Variants in SNRK observed in about 807,000 individuals in gnomAD.
SNRK encodes the protein SNF-related serine/threonine-protein kinase.
SNRK carries 3 observed loss-of-function variants against 48.2 expected under a neutral mutation model. That is an observed-to-expected ratio of 0.06 (90% CI 0.03 to 0.16). The LOEUF (loss-of-function observed/expected upper bound fraction) is 0.16, where lower values mean the gene tolerates loss of function less well. Among genes scored for constraint, SNRK ranks in the 10% least tolerant of loss-of-function variants. SNRK has a pLI of 1.00. For missense variants in SNRK, 627 were observed against 976.0 expected, an observed-to-expected ratio of 0.64 and a Z score of 4.76; for synonymous variants, 376 against 366.1, an observed-to-expected ratio of 1.03 and a Z score of -0.31.
intron 3 of SNRK, among the ~76,000 whole-genome samples, chr3:43,315,960 C>T (rs949106522): frequency 6.6e-5 from 10 of 152,124 alleles, no homozygotes; most frequent in Admixed American, 3.9e-4. Context: ...AAATTTCACA[C>T]GCCTATAAGA....
At chr3:43,340,200 G>A (rs1266211262) in intron 4 of SNRK, 87 bp from the exon 5 acceptor site, 2 of 1,056,982 alleles carry the variant, frequency 1.9e-6, no homozygotes, top group Middle Eastern at 2.1e-4. Flanking sequence ...TGATGGTATA[G>A]GAAATCATTT....
At chr3:43,334,382 G>A (rs1254893007) in intron 4 of SNRK, among the ~76,000 whole-genome samples, 1 of 151,636 alleles carries the variant, frequency 6.6e-6, no homozygotes, top group East Asian at 2.0e-4. Flanking sequence ...GATGGCATGG[G>A]CCTAGAGGGT....
intron 3 of SNRK, chr3:43,315,294 A>G (rs900180488): frequency 5.9e-5 from 9 of 151,726 alleles, no homozygotes; most frequent in African/African-American, 2.2e-4. Flanking sequence ...ACAGAAATCA[A>G]TAACACCTTT....
rs773315712 is a variant in SNRK at position 43,299,791 on chromosome 3, G to A, written c.-131G>A. 1 of 152,484 alleles carries A rather than the reference G, an allele frequency of 6.6e-6. No individual in the cohort carries two copies. The highest frequency in any genetic ancestry group is 1.5e-5 in the Non-Finnish European group (1 of 68,012). The allele number at this position is 152,484 out of a possible 1,614,324, so 9.4% of individuals were successfully genotyped here. A position where few individuals can be genotyped will look rare whatever the true frequency, so the allele number is the denominator to read the frequency against. On this transcript the variant is annotated 5_prime_UTR_variant, in exon 2 of 7. Coordinates refer to ENST00000296088, the MANE Select transcript of SNRK (RefSeq NM_017719.5). The stretch of plus-strand genomic sequence containing the variant: ...ACTAACAAAACACTGTGATAATAAG[G>A]ATTATTCAGTATGCAGTTTGCAGGG...
At chr3:43,288,596 A>G (rs1441173390) in intron 1 of SNRK, among the ~76,000 whole-genome samples, 1 of 152,208 alleles carries the variant, frequency 6.6e-6, no homozygotes, top group Non-Finnish European at 1.5e-5. Flanking sequence ...ATAGAAAAAT[A>G]TTTATTTCTG....
intron 1 of SNRK, among the ~76,000 whole-genome samples, chr3:43,298,350 G>C (rs1468050076): frequency 6.6e-6 from 1 of 152,102 alleles, no homozygotes; most frequent in Non-Finnish European, 1.5e-5. Flanking sequence ...AAAAAGAGAA[G>C]CAGGCAAGGA....
intron 4 of SNRK, 46 bp from the exon 5 acceptor site, chr3:43,340,241 C>A: frequency 7.0e-7 from 1 of 1,425,434 alleles, no homozygotes; most frequent in South Asian, 1.2e-5. Context: ...CATTACTGAT[C>A]CTTGCAAGCA....
At chr3:43,295,375 C>G (rs1440142978) in intron 1 of SNRK, among the ~76,000 whole-genome samples, 1 of 152,212 alleles carries the variant, frequency 6.6e-6, no homozygotes, top group Non-Finnish European at 1.5e-5. Context: ...CATGACATTC[C>G]TAGTCCCCTC....
intron 2 of SNRK, among the ~76,000 whole-genome samples, chr3:43,300,808 G>A (rs903778236): frequency 5.3e-5 from 8 of 152,200 alleles, no homozygotes; most frequent in Admixed American, 5.2e-4. Flanking sequence ...CCTAGGCATT[G>A]TATCAGTTTC....
chr3:43,337,043 C>T (rs888007084), intron 4 of SNRK, among the ~76,000 whole-genome samples: 13 of 150,652 alleles, frequency 8.6e-5, no homozygotes, highest in Admixed American at 3.3e-4. Flanking sequence ...TGAGCCACCG[C>T]GCCTGGCCAA....
rs772412582 is a variant in SNRK at position 43,348,136 on chromosome 3, G to T, written c.1877G>T (p.Cys626Phe). ...PTNTSGTTRR[C>F]AGPSNSMQLA... is the part of the protein sequence containing the mutation. ...AATACATCGGGTACCACACGCCGCT[G>T]TGCCGGCCCCAGCAACTCCATGCAG... The change falls in exon 7 of 7, where the codon TGT becomes TTT. Residue 626 changes from cysteine (C) to phenylalanine (F), a missense_variant. Cys to Phe is a radical substitution (Grantham distance 205). Around this residue, in one of 4 missense-constraint regions of SNRK, gnomAD observed 207 missense variants for 234.3 expected, o/e 0.88. Transcript: ENST00000296088. 4 of 1,580,262 alleles carry T rather than the reference G, an allele frequency of 2.5e-6. No homozygotes were observed. Among genetic ancestry groups the T allele is most frequent in the South Asian group, 1.2e-5 (1 of 85,116 alleles).
intron 1 of SNRK, among the ~76,000 whole-genome samples, chr3:43,299,265 C>T (rs946437917): frequency 1.3e-5 from 2 of 152,158 alleles, no homozygotes; most frequent in African/African-American, 4.8e-5. Context: ...GCAACCTCCG[C>T]CTCCTGGGTT....
chr3:43,301,630 TAAAA>T (rs575119083), intron 2 of SNRK, among the ~76,000 whole-genome samples: 1 of 151,658 alleles, frequency 6.6e-6, no homozygotes. Flanking sequence ...TTTTAAAAAT[TAAAA>T]AAAAACTTAC....
chr3:43,336,800 G>A (rs546493557), intron 4 of SNRK, among the ~76,000 whole-genome samples: 39 of 151,894 alleles, frequency 2.6e-4, no homozygotes, highest in Non-Finnish European at 4.3e-4. Context: ...TGCCCAGGCC[G>A]GAGTGCAGTG....
In SNRK at chr3:43,348,320, G is replaced by A. The variant is rs745732466; in HGVS notation, c.2061G>A (p.Met687Ile). The change falls in exon 7 of 7, where the codon ATG becomes ATA. Residue 687 changes from methionine (M) to isoleucine (I), a missense_variant. Physicochemically the swap from Met to Ile is conservative, Grantham distance 10. This residue lies in a region of SNRK where 207 missense variants were observed against 234.3 expected (regional missense o/e 0.88). Coordinates refer to ENST00000296088, the MANE Select transcript of SNRK (RefSeq NM_017719.5). ...VKVQEKSTWKMCISSTGNAGQ... is the reference protein window; with the variant it reads ...VKVQEKSTWKICISSTGNAGQ... ...TCCAAGAGAAATCTACGTGGAAAAT[G>A]TGCATTAGCTCCACAGGGAATGCAG... is the stretch of plus-strand genomic sequence containing the variant. 6.2e-7 allele frequency: 1 copy of A among 1,613,134 alleles called. No homozygotes were observed. Among genetic ancestry groups the A allele is most frequent in the South Asian group, 1.1e-5 (1 of 90,914 alleles).
At chr3:43,320,966 C>T (rs983521015) in intron 3 of SNRK, among the ~76,000 whole-genome samples, 4 of 149,000 alleles carry the variant, frequency 2.7e-5, no homozygotes, top group Non-Finnish European at 5.9e-5. Context: ...TATAGCAGAA[C>T]CTTCATTTGG....
intron 4 of SNRK, among the ~76,000 whole-genome samples, chr3:43,337,127 G>A (rs1021658333): frequency 1.8e-4 from 27 of 151,698 alleles, no homozygotes; most frequent in African/African-American, 6.5e-4. Flanking sequence ...AGGCTCGAGT[G>A]CAGTGACACT....
chr3:43,340,746 C>T (rs1480187640), intron 5 of SNRK: 1 of 506,292 alleles, frequency 2.0e-6, no homozygotes, highest in African/African-American at 1.9e-5. Flanking sequence ...GTGGCCTTTT[C>T]CCCATTCTAT....
In SNRK at chr3:43,349,364, T is replaced by G. The variant is rs1279185788; in HGVS notation, c.*807T>G. 1 of 152,680 alleles carries G rather than the reference T, an allele frequency of 6.5e-6. No homozygotes were observed. The allele number at this position is 152,680 out of a possible 1,614,324, so 9.5% of individuals were successfully genotyped here. ...TCTAACAGAACAAAAAGATGCTCTG[T>G]GTAAATTCCTTCCTGTAGGGCACAC... On this transcript the variant is annotated 3_prime_UTR_variant, in exon 7 of 7. Coordinates refer to ENST00000296088, the MANE Select transcript of SNRK (RefSeq NM_017719.5).
Sources: gnomAD v4.1 joint callset for allele counts (sites outside exome capture counted in the v4.1 genomes callset) on GRCh38, gnomAD v4.1.1 for gene constraint, gnomAD v4.1.1 regional missense constraint, MANE v1.5 for transcripts, NCBI Gene and HGNC (gene_info 2026-07-23, HGNC 2026-07-21) for gene names.